Variants in PTER observed in about 807,000 individuals in gnomAD.
PTER encodes phosphotriesterase related.
PTER carries 38 observed loss-of-function variants against 29.6 expected under a neutral mutation model. The ratio of observed to expected loss-of-function variants is 1.28; its 90% CI spans 0.99 to 1.68. The LOEUF is 1.68. Ranked by LOEUF, PTER falls within the 40% of genes most tolerant of loss-of-function variation. The pLI is 0.00. For missense variants in PTER, 482 were observed against 427.8 expected, an observed-to-expected ratio of 1.13 and a Z score of -1.12; for synonymous variants, 172 against 154.5, an observed-to-expected ratio of 1.11 and a Z score of -0.84.
At chr10:16,459,584 T>C (rs1834531824) in intron 1 of PTER, among the ~76,000 whole-genome samples, 1 of 152,228 alleles carries the variant, frequency 6.6e-6, no homozygotes, top group South Asian at 2.1e-4. Context: ...CTAGTTCAGA[T>C]GTTTTGAGGT....
chr10:16,517,399 G>A (rs923072514), downstream of PTER, among the ~76,000 whole-genome samples: 8 of 152,170 alleles, frequency 5.3e-5, no homozygotes, highest in African/African-American at 1.9e-4. Flanking sequence ...ATTTTTAAGA[G>A]TACCAACTGG....
chr10:16,457,507 C>T (rs1449240372), intron 1 of PTER, among the ~76,000 whole-genome samples: 2 of 152,026 alleles, frequency 1.3e-5, no homozygotes, highest in Admixed American at 6.6e-5. Flanking sequence ...GCCACTGTGC[C>T]CGGCCCCTTT....
chr10:16,477,913 G>A (rs11818717), intron 1 of PTER, among the ~76,000 whole-genome samples: 1,974 of 152,304 alleles, frequency 0.013, 47 homozygotes, highest in African/African-American at 0.045. Context: ...AAGTATCACT[G>A]TTTCTGGGAG....
At chr10:16,478,338 T>TC (rs1412244143) in intron 1 of PTER, among the ~76,000 whole-genome samples, 1 of 151,204 alleles carries the variant, frequency 6.6e-6, no homozygotes, top group Non-Finnish European at 1.5e-5. Flanking sequence ...CGTTTCCGTT[T>TC]TTTTTTTTTT....
intron 3 of PTER, 37 bp from the exon 4 acceptor site, chr10:16,504,983 C>A (rs200781815): frequency 2.5e-6 from 4 of 1,608,780 alleles, no homozygotes; most frequent in Non-Finnish European, 3.4e-6. Flanking sequence ...AAAATGGGCT[C>A]TTCATAATAA....
chr10:16,509,235 A>C (rs190275405), intron 4 of PTER, among the ~76,000 whole-genome samples: 14 of 152,274 alleles, frequency 9.2e-5, no homozygotes, highest in Non-Finnish European at 1.5e-4. Flanking sequence ...AGGACGGGGC[A>C]GGTTTTCTTC....
At chr10:16,492,942 G>C (rs1835953784) in intron 3 of PTER, among the ~76,000 whole-genome samples, 1 of 152,150 alleles carries the variant, frequency 6.6e-6, no homozygotes, top group African/African-American at 2.4e-5. Context: ...TGCCAAATTG[G>C]CCAAACTCTT....
Position 16,484,637 on chromosome 10 carries a change from T to A in PTER, c.253T>A (p.Leu85Met), listed in dbSNP as rs200089398. 1 of 1,614,048 alleles carries A rather than the reference T, an allele frequency of 6.2e-7. No individual in the cohort carries two copies. The highest frequency in any genetic ancestry group is 8.5e-7 in the Non-Finnish European group (1 of 1,180,022). ...QETEAIKEEL[L>M]YFKANGGGAL... ...GACAGAAGCCATAAAGGAAGAACTGTTGTATTTTAAAGCTAATGGTGGAGG... is the reference window on the plus strand; with the variant it reads ...GACAGAAGCCATAAAGGAAGAACTGATGTATTTTAAAGCTAATGGTGGAGG... Residue 85 changes from leucine to methionine, a missense_variant, in exon 2 of 5, where the codon TTG (leucine) becomes ATG (methionine). Transcript: ENST00000535784.
intron 3 of PTER, among the ~76,000 whole-genome samples, chr10:16,497,044 C>G (rs531350721): frequency 6.6e-6 from 1 of 151,600 alleles, no homozygotes; most frequent in Non-Finnish European, 1.5e-5. Context: ...CAGCAGTTCT[C>G]CTACCTCAGC....
chr10:16,438,192 G>A (rs959406973), intron 1 of PTER, among the ~76,000 whole-genome samples: 1 of 151,996 alleles, frequency 6.6e-6, no homozygotes, highest in Non-Finnish European at 1.5e-5. Context: ...TTTTAGTAGA[G>A]ACGGGGTTTC....
At chr10:16,442,312 C>G (rs1453424417) in intron 1 of PTER, among the ~76,000 whole-genome samples, 1 of 152,186 alleles carries the variant, frequency 6.6e-6, no homozygotes, top group African/African-American at 2.4e-5. Context: ...GTCTCATCTC[C>G]TACATTCTTG....
At chr10:16,469,887 T>A (rs1464004219) in intron 1 of PTER, among the ~76,000 whole-genome samples, 1 of 140,038 alleles carries the variant, frequency 7.1e-6, no homozygotes, top group Non-Finnish European at 1.5e-5. Context: ...GCTGTTTTTT[T>A]TGTTTGTTTT....
At chr10:16,495,415 C>T (rs1836058333) in intron 3 of PTER, among the ~76,000 whole-genome samples, 1 of 152,148 alleles carries the variant, frequency 6.6e-6, no homozygotes, top group South Asian at 2.1e-4. Flanking sequence ...AGTGATCCAC[C>T]CACCTCAGCC....
At chr10:16,514,526 TA>T (rs1836918018), downstream of PTER, 4 of 1,612,304 alleles carry the variant, frequency 2.5e-6, no homozygotes. Context: ...GTTTCTGCAT[TA>T]TCAGTCAGCA....
At chr10:16,508,070 C>CTTTTT (rs56800279) in intron 4 of PTER, among the ~76,000 whole-genome samples, 2 of 127,880 alleles carry the variant, frequency 1.6e-5, no homozygotes. Context: ...TTTTCTTTTT[C>CTTTTT]TTTTTTTTTT....
downstream of PTER, among the ~76,000 whole-genome samples, chr10:16,518,082 A>T (rs1000545642): frequency 1.3e-5 from 2 of 152,204 alleles, no homozygotes; most frequent in African/African-American, 4.8e-5. Context: ...TTTCTGTTTT[A>T]TGAAAAATTA....
At chr10:16,451,324 C>G (rs954378883) in intron 1 of PTER, among the ~76,000 whole-genome samples, 1 of 152,210 alleles carries the variant, frequency 6.6e-6, no homozygotes, top group African/African-American at 2.4e-5. Context: ...TTTGCCAACA[C>G]CCTCACAGAC....
intron 1 of PTER, among the ~76,000 whole-genome samples, chr10:16,453,811 T>G (rs778569934): frequency 1.8e-4 from 27 of 152,210 alleles, no homozygotes; most frequent in Non-Finnish European, 3.5e-4. Flanking sequence ...TTTAAACAGA[T>G]GTGAACAAAT....
At chr10:16,461,079 A>G (rs1834596880) in intron 1 of PTER, among the ~76,000 whole-genome samples, 1 of 152,212 alleles carries the variant, frequency 6.6e-6, no homozygotes, top group Admixed American at 6.5e-5. Context: ...CTACAGTGAA[A>G]GGAGATTTTT....
Sources: gnomAD v4.1 joint callset for allele counts (sites outside exome capture counted in the v4.1 genomes callset) on GRCh38, gnomAD v4.1.1 for gene constraint, MANE v1.5 for transcripts, NCBI Gene and HGNC (gene_info 2026-07-23, HGNC 2026-07-21) for gene names.